LMOD1: variants seen among roughly 807,000 people sequenced by gnomAD.
LMOD1 encodes the protein leiomodin-1.
A neutral mutation model predicts 36.5 loss-of-function variants in LMOD1; 8 were observed. That is an observed-to-expected ratio of 0.22 (90% CI 0.13 to 0.40). The LOEUF (loss-of-function observed/expected upper bound fraction) is 0.40. Among genes scored for constraint, LMOD1 ranks in the 10% least tolerant of loss-of-function variants. The pLI, the probability that LMOD1 is intolerant of heterozygous loss-of-function variation, is 1.00. For synonymous variants in LMOD1, 284 were observed against 288.7 expected (o/e 0.98, Z 0.17); for missense variants, 630 against 751.1 (o/e 0.84, Z 1.88).
chr1:201,933,595 T>TATA lies in LMOD1; in HGVS notation c.261+12484_261+12485insTAT, dbSNP rs1437458163. Among the ~76,000 whole-genome samples, 58 of 62,880 alleles carry TATA rather than the reference T, an allele frequency of 9.2e-4. 1 individual carries two copies. The highest frequency in any genetic ancestry group is 1.5e-3 in the Non-Finnish European group (42 of 27,688). The allele number at this position is 62,880 out of a possible 152,430, so 41.3% of individuals were successfully genotyped here. ...TTATATATGTACACATATACATACA[T>TATA]TATATATATATATATATATATATAT... On this transcript the variant is annotated intron_variant, in intron 1 of 2. Transcript: ENST00000367288.
At chr1:201,900,792 T>G (rs1681288094) in intron 1 of LMOD1, 41 bp from the exon 2 acceptor site, 1 of 1,527,670 alleles carries the variant, frequency 6.5e-7, no homozygotes, top group Middle Eastern at 1.8e-4. Flanking sequence ...AAAAGCTGGC[T>G]ACAGAGGGAG....
In LMOD1 at chr1:201,899,196, A is replaced by G. The variant is rs370739921; in HGVS notation, c.1776+41T>C. Reference sequence around the variant, plus strand: ...AGTCCTACCCTCTCCTCCAGGCCCTACCCAGCCCCGCCCTGTTGGCTCATG... The same window carrying G: ...AGTCCTACCCTCTCCTCCAGGCCCTGCCCAGCCCCGCCCTGTTGGCTCATG... On this transcript the variant is annotated intron_variant, in intron 2 of 2. Coordinates refer to ENST00000367288, the MANE Select transcript of LMOD1 (RefSeq NM_012134.3). This position sits in a 1 kb window ranked among gnomAD's most constrained non-coding sequence, Gnocchi z 6.3. 1.3e-6 allele frequency: 2 copies of G among 1,527,372 alleles called. No individual in the cohort carries two copies. The highest frequency in any genetic ancestry group is 1.8e-6 in the Non-Finnish European group (2 of 1,133,416). 94.6% of individuals were successfully genotyped at this position (1,527,372 alleles called of 1,614,324 possible).
rs756825334 is a variant in LMOD1 at position 201,946,299 on chromosome 1, G to T, written c.42C>A (p.Asp14Glu). Residue 14 changes from aspartate to glutamate, a missense_variant, in exon 1 of 3, where the codon GAC becomes GAA. This residue lies in a region of LMOD1 where 405 missense variants were observed against 400.6 expected (regional missense o/e 1.01). Transcript: ENST00000367288. ...TCTCCAGCAGGCTGTCGATGTCGGG[G>T]TCTTCACTCACCTGCCGGCGATATT... is the stretch of plus-strand genomic sequence containing the variant. ...VAKYRRQVSE[D>E]PDIDSLLETL... 3.7e-6 allele frequency: 6 copies of T among 1,613,842 alleles called. No individual in the cohort carries two copies. Among genetic ancestry groups the T allele is most frequent in the Non-Finnish European group, 5.1e-6 (6 of 1,179,890 alleles).
At chr1:201,902,412 T>G (rs1681345915) in intron 1 of LMOD1, among the ~76,000 whole-genome samples, 1 of 151,750 alleles carries the variant, frequency 6.6e-6, no homozygotes, top group Middle Eastern at 3.4e-3. Flanking sequence ...ACCAAGTCAG[T>G]TGAGCTGTGA....
chr1:201,942,048 C>T (rs1326332767), intron 1 of LMOD1, among the ~76,000 whole-genome samples: 3 of 152,184 alleles, frequency 2.0e-5, no homozygotes, highest in South Asian at 2.1e-4. Context: ...TGTCTTCTAC[C>T]TGGGCTGAAG....
At chr1:201,920,203 G>T (rs1473599441) in intron 1 of LMOD1, among the ~76,000 whole-genome samples, 1 of 151,794 alleles carries the variant, frequency 6.6e-6, no homozygotes, top group Non-Finnish European at 1.5e-5. Context: ...GGGATTACAG[G>T]CACCCACCAC....
intron 1 of LMOD1, among the ~76,000 whole-genome samples, chr1:201,923,891 G>C (rs1204415444): frequency 1.4e-5 from 2 of 141,632 alleles, no homozygotes; most frequent in Non-Finnish European, 3.1e-5. Flanking sequence ...AAAAGAGAGA[G>C]AGAGAGAGAG....
chr1:201,906,650 G>GC (rs1192909936), intron 1 of LMOD1, among the ~76,000 whole-genome samples: 1 of 152,194 alleles, frequency 6.6e-6, no homozygotes, highest in Non-Finnish European at 1.5e-5. Flanking sequence ...TTCACCCACT[G>GC]CAGTCTCCTG....
At chr1:201,898,665 C>T (rs760113758) in intron 2 of LMOD1, among the ~76,000 whole-genome samples, 2 of 152,146 alleles carry the variant, frequency 1.3e-5, no homozygotes, top group Non-Finnish European at 2.9e-5. Context: ...AATGGACAAA[C>T]GATCGTGGAC....
chr1:201,923,991 AAAAG>A (rs890164089), intron 1 of LMOD1, among the ~76,000 whole-genome samples: 46 of 151,656 alleles, frequency 3.0e-4, no homozygotes, highest in African/African-American at 9.2e-4. Context: ...AAAGAAAAAG[AAAAG>A]AAAGAAAGAG....
In LMOD1 at chr1:201,946,070, G is replaced by C; in HGVS notation, c.261+10C>G. The C allele has an allele frequency of 6.2e-7, 1 of 1,611,728 alleles. No individual in the cohort carries two copies. Among genetic ancestry groups the C allele is most frequent in the Non-Finnish European group, 8.5e-7 (1 of 1,178,050 alleles). ...TCTCCCTCCTCCCCTCCAGGGCTGT[G>C]CTCACTCACATCCATGGACATCTCC... is the stretch of plus-strand genomic sequence containing the variant. On this transcript the variant is annotated intron_variant, in intron 1 of 2. Transcript: ENST00000367288.
chr1:201,902,609 G>T (rs2102910251), intron 1 of LMOD1, among the ~76,000 whole-genome samples: 1 of 152,230 alleles, frequency 6.6e-6, no homozygotes, highest in African/African-American at 2.4e-5. Flanking sequence ...ACCATGCCCA[G>T]CTAATTTTTG....
intron 1 of LMOD1, among the ~76,000 whole-genome samples, chr1:201,935,250 G>A (rs1681995212): frequency 6.6e-6 from 1 of 152,098 alleles, no homozygotes; most frequent in Non-Finnish European, 1.5e-5. Context: ...GAAACTGGCT[G>A]ACGCATTGGG....
chr1:201,919,019 A>C (rs1681654155), intron 1 of LMOD1, among the ~76,000 whole-genome samples: 1 of 151,626 alleles, frequency 6.6e-6, no homozygotes, highest in Admixed American at 6.6e-5. Flanking sequence ...CAGCTTTCCG[A>C]GTATCTAGGA....
chr1:201,911,440 G>A (rs577336418), intron 1 of LMOD1, among the ~76,000 whole-genome samples: 7 of 152,282 alleles, frequency 4.6e-5, no homozygotes, highest in East Asian at 1.9e-4. Flanking sequence ...CGATGTGTGC[G>A]GATCACTTGA....
rs58506647 is a variant in LMOD1 at position 201,910,744 on chromosome 1, C to CTTTTTTTTTTTTTT, written c.262-10007_262-9994dup. ...TTCCCCTTTTGCAGATGGTGTCATT[C>CTTTTTTTTTTTTTT]TTTTTTTTTTTTTTTTTTTTTTTTT... On this transcript the variant is annotated intron_variant, in intron 1 of 2. Coordinates refer to ENST00000367288, the MANE Select transcript of LMOD1 (RefSeq NM_012134.3). 4.5e-4 allele frequency among the ~76,000 whole-genome samples: 22 copies of CTTTTTTTTTTTTTT among 49,068 alleles called. 8 individuals are homozygous for CTTTTTTTTTTTTTT. Among genetic ancestry groups the CTTTTTTTTTTTTTT allele is most frequent in the Admixed American group, 7.1e-4 (2 of 2,820 alleles). The allele number at this position is 49,068 out of a possible 152,430, so 32.2% of individuals were successfully genotyped here.
At chr1:201,943,850 A>G (rs1042557556) in intron 1 of LMOD1, among the ~76,000 whole-genome samples, 1 of 152,184 alleles carries the variant, frequency 6.6e-6, no homozygotes, top group South Asian at 2.1e-4. Context: ...TGAGGCTTAG[A>G]TTAGGTAACT....
intron 1 of LMOD1, 121 bp from the exon 2 acceptor site, chr1:201,900,872 G>A (rs1417083516): frequency 2.3e-6 from 2 of 857,348 alleles, no homozygotes; most frequent in South Asian, 1.9e-5. Flanking sequence ...GGACAGTTGT[G>A]CTGTTTGGGA....
At position 201,946,199 on chromosome 1, in the gene LMOD1, C is replaced by T. The variant is rs1295831773; in HGVS notation, c.142G>A (p.Gly48Arg). ...TCCGTCTGGTTTCTCTGCCGCAGCC[C>T]CACGGGAACACTCCCGTCTGGGTCC... Reference protein sequence around the residue: ...VVDPDGSVPVGLRQRNQTEKQ... With the variant: ...VVDPDGSVPVRLRQRNQTEKQ... The change falls in exon 1 of 3, where the codon GGG becomes AGG. Residue 48 changes from glycine (G) to arginine (R), a missense_variant. By Grantham distance (125) the Gly-to-Arg change is moderately radical. This residue lies in a region of LMOD1 where 405 missense variants were observed against 400.6 expected (regional missense o/e 1.01). Coordinates refer to ENST00000367288, the MANE Select transcript of LMOD1 (RefSeq NM_012134.3). 3 of 1,614,026 alleles carry T rather than the reference C, an allele frequency of 1.9e-6. No homozygotes were observed. Among genetic ancestry groups the T allele is most frequent in the Non-Finnish European group, 2.5e-6 (3 of 1,179,892 alleles).
Sources: allele counts gnomAD v4.1 joint callset (sites outside exome capture counted in the v4.1 genomes callset), GRCh38; gene constraint gnomAD v4.1.1; regional missense constraint gnomAD v4.1.1; non-coding constraint Gnocchi (gnomAD v3.1); transcripts MANE v1.5; gene names NCBI Gene and HGNC (gene_info 2026-07-23, HGNC 2026-07-21).